The following CYSTM1 variants were observed in gnomAD, a reference collection of about 807,000 sequenced individuals.
CYSTM1 encodes cysteine-rich transmembrane module-containing protein 1.
A neutral mutation model predicts 13.1 loss-of-function variants in CYSTM1; 4 were observed. The ratio of observed to expected loss-of-function variants is 0.31; its 90% CI spans 0.15 to 0.70. The LOEUF (loss-of-function observed/expected upper bound fraction) is 0.70. Among genes scored for constraint, CYSTM1 ranks in the 30% least tolerant of loss-of-function variants. The pLI is 0.72. For missense variants in CYSTM1, 96 were observed against 121.6 expected (o/e 0.79, Z 0.99); for synonymous variants, 36 against 42.7 (o/e 0.84, Z 0.62).
At position 140,230,087 on chromosome 5, in the gene CYSTM1, GTC is replaced by G. The variant is rs2126670381; in HGVS notation, c.188-13215_188-13214del. Reference sequence around the variant, plus strand: ...GGGTTTCACCATGTTGGTCAGTATGGTCTCGAACTCCTGACCTCAGGTGATCC... The same window carrying G: ...GGGTTTCACCATGTTGGTCAGTATGGTCGAACTCCTGACCTCAGGTGATCC... On this transcript the variant is annotated intron_variant, in intron 2 of 2. Transcript: ENST00000261811. This position sits in a 1 kb window ranked among gnomAD's most constrained non-coding sequence, Gnocchi z 4.1. 6.6e-6 allele frequency among the ~76,000 whole-genome samples: 1 copy of G among 152,234 alleles called. No homozygotes were observed. The highest frequency in any genetic ancestry group is 2.1e-4 in the South Asian group (1 of 4,822).
chr5:140,213,666 T>C (rs1278204889), intron 2 of CYSTM1, among the ~76,000 whole-genome samples: 1 of 152,264 alleles, frequency 6.6e-6, no homozygotes, highest in African/African-American at 2.4e-5. Context: ...ATTTTTACTG[T>C]ACCTTTTCTA....
intron 2 of CYSTM1, among the ~76,000 whole-genome samples, chr5:140,238,843 C>CA (rs1223544899): frequency 1.3e-5 from 2 of 152,252 alleles, no homozygotes; most frequent in African/African-American, 4.8e-5. Context: ...CAATGCGGGG[C>CA]AAGGGCAGTT....
chr5:140,222,831 C>CCTATTCCCTA (rs1389036904), intron 2 of CYSTM1, among the ~76,000 whole-genome samples: 10 of 152,354 alleles, frequency 6.6e-5, no homozygotes, highest in African/African-American at 2.4e-4. Context: ...AATATGGGAA[C>CCTATTCCCTA]ACTGACAATA....
chr5:140,213,507 A>G (rs2126664713), intron 2 of CYSTM1, among the ~76,000 whole-genome samples: 1 of 152,296 alleles, frequency 6.6e-6, no homozygotes, highest in Middle Eastern at 3.4e-3. Context: ...AGTGTTCAGT[A>G]TATATGAAGT....
intron 2 of CYSTM1, among the ~76,000 whole-genome samples, chr5:140,206,843 C>G (rs1764304790): frequency 6.6e-6 from 1 of 152,026 alleles, no homozygotes; most frequent in Non-Finnish European, 1.5e-5. Flanking sequence ...AAACACTGCC[C>G]CGGTTGGTCT....
At position 140,217,454 on chromosome 5, in the gene CYSTM1, C is replaced by T. The variant is rs1025432305; in HGVS notation, c.187+22802C>T. On this transcript the variant is annotated intron_variant, in intron 2 of 2. Coordinates refer to ENST00000261811, the MANE Select transcript of CYSTM1 (RefSeq NM_032412.4). ...GTGAAAAAGGTGTATCCTGTGGCTA[C>T]TAGGCCCACTCTCCCTGGCCTAGCT... 9.7e-4 allele frequency among the ~76,000 whole-genome samples: 148 copies of T among 152,146 alleles called. 4 individuals are homozygous for T. The highest frequency in any genetic ancestry group is 4.6e-4 in the Admixed American group (7 of 15,266).
At chr5:140,194,804 T>C (rs994670367) in intron 2 of CYSTM1, 152 bp downstream of exon 2, 12 of 1,004,580 alleles carry the variant, frequency 1.2e-5, no homozygotes, top group Non-Finnish European at 1.6e-5. Context: ...GGATTCTCAC[T>C]CCTGAGAAGA....
intron 2 of CYSTM1, among the ~76,000 whole-genome samples, chr5:140,221,743 A>G (rs1369139386): frequency 6.6e-6 from 1 of 152,206 alleles, no homozygotes; most frequent in Admixed American, 6.5e-5. Flanking sequence ...AAGGAGCAGG[A>G]TGTCTTTGAA....
At chr5:140,203,771 C>T (rs191670576) in intron 2 of CYSTM1, among the ~76,000 whole-genome samples, 2 of 152,200 alleles carry the variant, frequency 1.3e-5, no homozygotes, top group East Asian at 3.9e-4. Flanking sequence ...AAATGACTTC[C>T]ACTCAGATAC....
chr5:140,209,523 G>A (rs1479415148), intron 2 of CYSTM1, among the ~76,000 whole-genome samples: 5 of 151,814 alleles, frequency 3.3e-5, no homozygotes, highest in South Asian at 2.1e-4. Flanking sequence ...TCCGCCTCCC[G>A]GGTTCAAGCG....
intron 2 of CYSTM1, chr5:140,203,094 T>C (rs952979849): frequency 2.6e-5 from 4 of 152,192 alleles, no homozygotes; most frequent in Admixed American, 2.6e-4. Flanking sequence ...CATGAGAGTT[T>C]CAGAGTAGGT....
intron 2 of CYSTM1, among the ~76,000 whole-genome samples, chr5:140,226,963 G>A (rs999613997): frequency 1.3e-5 from 2 of 152,096 alleles, no homozygotes; most frequent in Non-Finnish European, 2.9e-5. Context: ...GAGCAGCAGT[G>A]TGGGAGTCAA....
At chr5:140,218,844 G>A (rs778986457) in intron 2 of CYSTM1, among the ~76,000 whole-genome samples, 6 of 152,278 alleles carry the variant, frequency 3.9e-5, no homozygotes, top group African/African-American at 4.8e-5. Flanking sequence ...TAAAATCACC[G>A]CTTTGGCAGC....
In CYSTM1 at chr5:140,178,046, AG is replaced by A. The variant is rs1165380362; in HGVS notation, c.-21+2763del. Among the ~76,000 whole-genome samples the A allele has an allele frequency of 3.3e-5, 5 of 152,342 alleles. No individual in the cohort carries two copies. The South Asian group carries it at 8.3e-4, about 25-fold the overall frequency. On this transcript the variant is annotated intron_variant, in intron 1 of 2. Transcript: ENST00000261811. Reference sequence around the variant, plus strand: ...GTAGAGAACTTAAGACTTTACTGTCAGGAAAAAAATGTTAGTGTGTTTCCCT... The same window carrying A: ...GTAGAGAACTTAAGACTTTACTGTCAGAAAAAAATGTTAGTGTGTTTCCCT...
At chr5:140,235,469 G>A (rs929837411) in intron 2 of CYSTM1, among the ~76,000 whole-genome samples, 1 of 149,184 alleles carries the variant, frequency 6.7e-6, no homozygotes, top group Non-Finnish European at 1.5e-5. Context: ...GCAGTGGTGC[G>A]ATCTTGGCTC....
At chr5:140,218,376 T>C (rs1581068492) in intron 2 of CYSTM1, among the ~76,000 whole-genome samples, 2 of 152,358 alleles carry the variant, frequency 1.3e-5, no homozygotes, top group East Asian at 3.9e-4. Flanking sequence ...CCCTGCCTTC[T>C]GTCCTTCAGG....
At chr5:140,182,021 A>G (rs1172043322) in intron 1 of CYSTM1, among the ~76,000 whole-genome samples, 1 of 152,190 alleles carries the variant, frequency 6.6e-6, no homozygotes, top group Non-Finnish European at 1.5e-5. Context: ...TTTTTGTCTT[A>G]TCTTTATGTC....
At chr5:140,209,405 T>C (rs1307951469) in intron 2 of CYSTM1, among the ~76,000 whole-genome samples, 4 of 149,962 alleles carry the variant, frequency 2.7e-5, no homozygotes, top group Non-Finnish European at 5.9e-5. Context: ...TAGCTGGGAT[T>C]ACAGGCACAC....
intron 1 of CYSTM1, among the ~76,000 whole-genome samples, chr5:140,192,601 CA>C (rs1201494594): frequency 6.6e-6 from 1 of 152,166 alleles, no homozygotes; most frequent in Non-Finnish European, 1.5e-5. Context: ...TGGCTGTCAG[CA>C]ATTTTGTAGG....
Sources: allele counts gnomAD v4.1 joint callset (sites outside exome capture counted in the v4.1 genomes callset), GRCh38; gene constraint gnomAD v4.1.1; non-coding constraint Gnocchi (gnomAD v3.1); transcripts MANE v1.5; gene names NCBI Gene and HGNC (gene_info 2026-07-23, HGNC 2026-07-21).